Variants in ANKRD12 observed in about 807,000 individuals in gnomAD.
ANKRD12 encodes the protein ankyrin repeat domain 12.
Under a neutral mutation model 183.4 loss-of-function variants are expected in ANKRD12, and 85 were observed. The observed-to-expected ratio is 0.46, with a 90% CI of 0.39 to 0.56. ANKRD12 has a LOEUF of 0.56. Ranked by LOEUF, ANKRD12 falls within the 20% of genes least tolerant of loss-of-function variation. The probability of loss-of-function intolerance (pLI) is 0.00; values close to 1 mark genes in which losing one functional copy is unlikely to be tolerated. For synonymous variants in ANKRD12, 914 were observed against 800.2 expected (o/e 1.14, Z -2.40); for missense variants, 2,405 against 2,357.1 (o/e 1.02, Z -0.42).
chr18:9,183,294 G>A (rs138284418), intron 2 of ANKRD12, among the ~76,000 whole-genome samples: 88 of 152,238 alleles, frequency 5.8e-4, no homozygotes, highest in African/African-American at 1.9e-3. Flanking sequence ...GGATTTTGAG[G>A]GAATTTTATT....
At chr18:9,166,965 A>C (rs1172597226) in intron 1 of ANKRD12, among the ~76,000 whole-genome samples, 1 of 152,198 alleles carries the variant, frequency 6.6e-6, no homozygotes, top group African/African-American at 2.4e-5. Flanking sequence ...ACCATTTATT[A>C]AATAGGGAAT....
intron 3 of ANKRD12, among the ~76,000 whole-genome samples, chr18:9,201,845 T>TA (rs2035189544): frequency 1.3e-5 from 2 of 151,120 alleles, no homozygotes; most frequent in Non-Finnish European, 3.0e-5. Flanking sequence ...TTTTTTAAGG[T>TA]GATACAGAGT....
At position 9,201,835 on chromosome 18, in the gene ANKRD12, T is replaced by A. The variant is rs1277839094; in HGVS notation, c.236-2641T>A. Among the ~76,000 whole-genome samples, 5 of 152,044 alleles carry A rather than the reference T, an allele frequency of 3.3e-5. No individual in the cohort carries two copies. The East Asian group carries it at 9.6e-4, about 29-fold the overall frequency. On this transcript the variant is annotated intron_variant, in intron 3 of 12. Transcript: ENST00000262126. ...TTTACTAGTTTTTTTCGCTTTTTTT[T>A]TTTTTAAGGTGATACAGAGTGTCGC...
chr18:9,213,569 A>G (rs1294739770), intron 6 of ANKRD12, among the ~76,000 whole-genome samples: 1 of 151,918 alleles, frequency 6.6e-6, no homozygotes, highest in Admixed American at 6.6e-5. Flanking sequence ...AAGTATAATG[A>G]CATAGGGAAT....
At chr18:9,151,050 C>A (rs1196655232) in intron 1 of ANKRD12, among the ~76,000 whole-genome samples, 1 of 152,042 alleles carries the variant, frequency 6.6e-6, no homozygotes, top group African/African-American at 2.4e-5. Flanking sequence ...TGCCAGAAAA[C>A]ATTGTGGTGA....
chr18:9,218,073 G>A (rs1243464352), intron 7 of ANKRD12, among the ~76,000 whole-genome samples: 1 of 152,100 alleles, frequency 6.6e-6, no homozygotes, highest in Non-Finnish European at 1.5e-5. Context: ...ATTATTGATA[G>A]TTTACCAAGA....
At chr18:9,222,499 T>G (rs529583036) in intron 8 of ANKRD12, among the ~76,000 whole-genome samples, 1 of 151,882 alleles carries the variant, frequency 6.6e-6, no homozygotes, top group Admixed American at 6.6e-5. Context: ...AATTTTTTTT[T>G]AAAGATAACA....
intron 2 of ANKRD12, among the ~76,000 whole-genome samples, chr18:9,194,950 A>C (rs2034685859): frequency 6.6e-6 from 1 of 152,350 alleles, no homozygotes; most frequent in South Asian, 2.1e-4. Context: ...CATCAACAGT[A>C]GACTGGATAA....
Position 9,258,303 on chromosome 18 carries a change from T to C in ANKRD12, c.5036T>C (p.Leu1679Ser), listed in dbSNP as rs369380351. The C allele has an allele frequency of 7.9e-5, 127 of 1,613,788 alleles. No individual in the cohort carries two copies. Among genetic ancestry groups the C allele is most frequent in the Non-Finnish European group, 6.3e-5 (74 of 1,179,940 alleles). ...PKHCPESEKC[L>S]LSIEDEESQQ... ...CATTGTCCTGAAAGTGAAAAGTGTT[T>C]GCTTTCCATAGAAGATGAGGAATCT... The change falls in exon 9 of 13, where the codon TTG (leucine) becomes TCG (serine). Residue 1679 changes from leucine to serine, a missense_variant. By Grantham distance (145) the Leu-to-Ser change is moderately radical. Around this residue, in one of 7 missense-constraint regions of ANKRD12, gnomAD observed 1,983 missense variants for 1,725.9 expected, o/e 1.15. Coordinates refer to ENST00000262126, the MANE Select transcript of ANKRD12 (RefSeq NM_015208.5).
Position 9,258,105 on chromosome 18 carries a change from C to T in ANKRD12, c.4838C>T (p.Ser1613Phe). ...GCATTTAGCAAACTAACTTACAAGT[C>T]TTCCAGTGGCCATGAAGTTGAGAAT... is the stretch of plus-strand genomic sequence containing the variant. Reference protein sequence around the residue: ...HYAFSKLTYKSSSGHEVENST... With the variant: ...HYAFSKLTYKFSSGHEVENST... The change falls in exon 9 of 13, where the codon TCT (serine) becomes TTT (phenylalanine). Residue 1613 changes from serine to phenylalanine, a missense_variant. This residue lies in a region of ANKRD12 where 1,983 missense variants were observed against 1,725.9 expected (regional missense o/e 1.15). Coordinates refer to ENST00000262126, the MANE Select transcript of ANKRD12 (RefSeq NM_015208.5). The T allele has an allele frequency of 1.2e-6, 2 of 1,613,436 alleles. No homozygotes were observed. The highest frequency in any genetic ancestry group is 1.7e-6 in the Non-Finnish European group (2 of 1,179,982).
chr18:9,211,169 C>G (rs1404541757), intron 5 of ANKRD12, among the ~76,000 whole-genome samples: 1 of 152,046 alleles, frequency 6.6e-6, no homozygotes, highest in Non-Finnish European at 1.5e-5. Context: ...AATATAAGAA[C>G]AGAAGAACTC....
chr18:9,196,001 T>C (rs1422054558), intron 3 of ANKRD12, among the ~76,000 whole-genome samples: 3 of 152,052 alleles, frequency 2.0e-5, no homozygotes, highest in Admixed American at 2.0e-4. Flanking sequence ...TAAGGAAGCA[T>C]TGGGATATGC....
intron 4 of ANKRD12, among the ~76,000 whole-genome samples, chr18:9,207,622 C>T (rs1376399245): frequency 1.3e-5 from 2 of 152,038 alleles, no homozygotes; most frequent in Non-Finnish European, 2.9e-5. Context: ...CTCTTCATAT[C>T]TGCTTGAAAA....
chr18:9,157,585 G>GTGTGTGTGTGTGTGTGTATA (rs1472659778), intron 1 of ANKRD12, among the ~76,000 whole-genome samples: 14 of 92,678 alleles, frequency 1.5e-4, no homozygotes, highest in African/African-American at 6.8e-4. Context: ...GTGTGTGTGT[G>GTGTGTGTGTGTGTGTGTATA]TATATATATA....
In ANKRD12 at chr18:9,257,490, CTAG is replaced by C. The variant is rs2038705122; in HGVS notation, c.4225_4227del (p.Ser1409del). ...GACAGTCCAGTGCATTTAGAGCCAT[CTAG>C]TCAGGTTGGTGTGATCCAGAATAAA... On this transcript the variant is annotated inframe_deletion, in exon 9 of 13. Coordinates refer to ENST00000262126, the MANE Select transcript of ANKRD12 (RefSeq NM_015208.5). The C allele has an allele frequency of 6.2e-7, 1 of 1,613,980 alleles. No homozygotes were observed. The highest frequency in any genetic ancestry group is 1.3e-5 in the African/African-American group (1 of 74,902).
intron 9 of ANKRD12, among the ~76,000 whole-genome samples, chr18:9,263,404 A>G (rs989460908): frequency 2.5e-4 from 38 of 152,194 alleles, no homozygotes; most frequent in Non-Finnish European, 5.9e-5. Flanking sequence ...ACCTCACTAT[A>G]TAGATACCAA....
chr18:9,142,139 T>TA (rs1157265600), intron 1 of ANKRD12, among the ~76,000 whole-genome samples: 1 of 152,194 alleles, frequency 6.6e-6, no homozygotes, highest in Non-Finnish European at 1.5e-5. Context: ...TTGTTACTCC[T>TA]ACATAGGAGT....
intron 10 of ANKRD12, among the ~76,000 whole-genome samples, chr18:9,265,514 G>C (rs996995287): frequency 6.6e-6 from 1 of 152,058 alleles, no homozygotes; most frequent in East Asian, 1.9e-4. Flanking sequence ...CCACACAAAC[G>C]GTCTGGAGTG....
intron 8 of ANKRD12, among the ~76,000 whole-genome samples, chr18:9,234,599 A>C (rs1422188799): frequency 6.6e-6 from 1 of 151,962 alleles, no homozygotes; most frequent in Non-Finnish European, 1.5e-5. Flanking sequence ...CTGGGTGGAG[A>C]CTGGGGGAAT....
Sources: allele counts gnomAD v4.1 joint callset (sites outside exome capture counted in the v4.1 genomes callset), GRCh38; gene constraint gnomAD v4.1.1; regional missense constraint gnomAD v4.1.1; transcripts MANE v1.5; gene names NCBI Gene and HGNC (gene_info 2026-07-23, HGNC 2026-07-21).